ENAH: variants seen among roughly 807,000 people sequenced by gnomAD.
ENAH encodes the protein protein enabled homolog.
A neutral mutation model predicts 78.7 loss-of-function variants in ENAH; 23 were observed. The observed-to-expected ratio is 0.29, with a 90% CI of 0.21 to 0.41. ENAH has a LOEUF of 0.41. Among genes scored for constraint, ENAH ranks in the 10% least tolerant of loss-of-function variants. The pLI is 1.00. For missense variants in ENAH, 544 were observed against 691.0 expected (o/e 0.79, Z 2.39); for synonymous variants, 226 against 241.0 (o/e 0.94, Z 0.58).
At chr1:225,594,679 A>T (rs777340810) in intron 1 of ENAH, among the ~76,000 whole-genome samples, 8 of 152,256 alleles carry the variant, frequency 5.3e-5, no homozygotes, top group Non-Finnish European at 1.2e-4. Flanking sequence ...TGAATGTCAA[A>T]TTAGTAAATG....
chr1:225,611,432 C>T (rs2096988260), intron 1 of ENAH, among the ~76,000 whole-genome samples: 1 of 152,150 alleles, frequency 6.6e-6, no homozygotes, highest in African/African-American at 2.4e-5. Flanking sequence ...GATTCTCCTC[C>T]CTCAGCCTCC....
intron 1 of ENAH, among the ~76,000 whole-genome samples, chr1:225,650,710 C>T (rs889350645): frequency 5.3e-5 from 8 of 151,628 alleles, no homozygotes; most frequent in African/African-American, 1.9e-4. Context: ...ATTAGCCGGG[C>T]GTGGTGATAC....
At chr1:225,635,821 A>G (rs1659964153) in intron 1 of ENAH, among the ~76,000 whole-genome samples, 1 of 152,202 alleles carries the variant, frequency 6.6e-6, no homozygotes. Flanking sequence ...GAAGCATGAG[A>G]CTGAAGTGAT....
At chr1:225,561,244 A>AT (rs1486220765) in intron 2 of ENAH, among the ~76,000 whole-genome samples, 2 of 151,868 alleles carry the variant, frequency 1.3e-5, no homozygotes, top group Non-Finnish European at 2.9e-5. Context: ...ACAAAAACAA[A>AT]TTTTTTTTAA....
intron 6 of ENAH, 31 bp downstream of exon 6, chr1:225,517,165 T>C (rs2096426594): frequency 2.0e-6 from 3 of 1,469,972 alleles, no homozygotes; most frequent in Middle Eastern, 2.5e-4. Context: ...TTCAAGTGAT[T>C]AGCTGTTAGT....
intron 1 of ENAH, among the ~76,000 whole-genome samples, chr1:225,576,107 A>C (rs1418130770): frequency 1.3e-5 from 2 of 151,212 alleles, no homozygotes; most frequent in Non-Finnish European, 3.0e-5. Context: ...CCACCTCTAC[A>C]GAAATGAAAA....
intron 10 of ENAH, 68 bp from the exon 11 acceptor site, chr1:225,508,085 CA>C (rs2096348310): frequency 4.0e-6 from 4 of 1,012,068 alleles, no homozygotes; most frequent in Non-Finnish European, 5.7e-6. Context: ...AAACAAATAA[CA>C]AAATACTAAA....
chr1:225,565,699 G>A lies in ENAH; in HGVS notation c.171+1550C>T, dbSNP rs533907079. Among the ~76,000 whole-genome samples the A allele has an allele frequency of 1.1e-4, 16 of 151,878 alleles. No homozygotes were observed. The South Asian group carries it at 3.3e-3, about 32-fold the overall frequency. On this transcript the variant is annotated intron_variant, in intron 2 of 13. Coordinates refer to ENST00000366843, the MANE Select transcript of ENAH (RefSeq NM_018212.6). ...ATTTGATTTATCTCTGGACTAAGTC[G>A]CTGCTGGAACAAAGACAAAGATGAG...
chr1:225,621,635 C>T (rs986791567), intron 1 of ENAH, among the ~76,000 whole-genome samples: 2 of 152,190 alleles, frequency 1.3e-5, no homozygotes, highest in African/African-American at 4.8e-5. Flanking sequence ...TTTACATATA[C>T]ACCATAATGG....
At chr1:225,503,292 A>T (rs923957304) in intron 11 of ENAH, among the ~76,000 whole-genome samples, 1 of 152,126 alleles carries the variant, frequency 6.6e-6, no homozygotes, top group African/African-American at 2.4e-5. Context: ...TACTACATTT[A>T]AAAAATATAT....
chr1:225,643,973 TTA>T (rs1661522519), intron 1 of ENAH, among the ~76,000 whole-genome samples: 1 of 151,970 alleles, frequency 6.6e-6, no homozygotes, highest in South Asian at 2.1e-4. Flanking sequence ...AGTATAGATA[TTA>T]TATATATGGA....
chr1:225,572,193 GA>G (rs2151546707), intron 1 of ENAH, among the ~76,000 whole-genome samples: 1 of 152,216 alleles, frequency 6.6e-6, no homozygotes, highest in South Asian at 2.1e-4. Context: ...GAAATCTCGA[GA>G]AGAGACTGTT....
chr1:225,535,280 T>G (rs2096556170), intron 3 of ENAH, among the ~76,000 whole-genome samples: 1 of 152,106 alleles, frequency 6.6e-6, no homozygotes, highest in Non-Finnish European at 1.5e-5. Flanking sequence ...AAGAAGTGTT[T>G]TAAGATCCTA....
chr1:225,549,831 C>T (rs575704837), intron 3 of ENAH, among the ~76,000 whole-genome samples: 2 of 152,234 alleles, frequency 1.3e-5, no homozygotes, highest in South Asian at 4.2e-4. Flanking sequence ...TCATTCTGCT[C>T]CTCTCCTCTC....
intron 1 of ENAH, among the ~76,000 whole-genome samples, chr1:225,587,829 C>A (rs1204267269): frequency 6.6e-6 from 1 of 151,964 alleles, no homozygotes; most frequent in Admixed American, 6.6e-5. Context: ...AGGACAGAGT[C>A]CAGAAATCAA....
intron 1 of ENAH, among the ~76,000 whole-genome samples, chr1:225,631,596 C>A (rs55893672): frequency 0.083 from 11,767 of 142,010 alleles, 1,616 homozygotes; most frequent in African/African-American, 0.28. Flanking sequence ...AAAAAAAAGG[C>A]ATAAACTAAT....
Position 225,493,303 on chromosome 1 carries a change from AGCT to A in ENAH, c.*4469_*4471del, listed in dbSNP as rs909837787. The A allele has an allele frequency of 3.3e-5, 5 of 152,196 alleles. No individual in the cohort carries two copies. The highest frequency in any genetic ancestry group is 1.2e-4 in the African/African-American group (5 of 41,454). The allele number at this position is 152,196 out of a possible 1,614,324, so 9.4% of individuals were successfully genotyped here. On this transcript the variant is annotated 3_prime_UTR_variant, in exon 14 of 14. Coordinates refer to ENST00000366843, the MANE Select transcript of ENAH (RefSeq NM_018212.6). ...ACTTTCTTGAGGGGTTACTGACTTC[AGCT>A]GCTTAGTCAAATCTACAAATCCTCA...
intron 1 of ENAH, among the ~76,000 whole-genome samples, chr1:225,584,237 TTCAAATTATGCAGATAGGATATA>T (rs1353714879): frequency 6.6e-6 from 1 of 152,184 alleles, no homozygotes; most frequent in African/African-American, 2.4e-5. Flanking sequence ...CTTAAGAAGT[TTCAAATTATGCAGATAGGATATA>T]TCAGACAAAT....
At chr1:225,552,281 C>T (rs949829552) in intron 3 of ENAH, among the ~76,000 whole-genome samples, 17 of 151,844 alleles carry the variant, frequency 1.1e-4, no homozygotes, top group African/African-American at 2.7e-4. Context: ...GGACTACAGG[C>T]GCCCGCCACC....
Sources: gnomAD v4.1 joint callset for allele counts (sites outside exome capture counted in the v4.1 genomes callset) on GRCh38, gnomAD v4.1.1 for gene constraint, MANE v1.5 for transcripts, NCBI Gene and HGNC (gene_info 2026-07-23, HGNC 2026-07-21) for gene names.